RUNX2: variants seen among roughly 807,000 people sequenced by gnomAD.
The protein encoded by RUNX2 is runt-related transcription factor 2.
RUNX2 carries 10 observed loss-of-function variants against 51.7 expected under a neutral mutation model. The ratio of observed to expected loss-of-function variants is 0.19; its 90% CI spans 0.12 to 0.33. The LOEUF (loss-of-function observed/expected upper bound fraction) is 0.33, where lower values mean the gene tolerates loss of function less well. RUNX2 is among the 10% of genes least tolerant of loss of function. The pLI, the probability that RUNX2 is intolerant of heterozygous loss-of-function variation, is 1.00. For synonymous variants in RUNX2, 276 were observed against 273.6 expected, an observed-to-expected ratio of 1.01 and a Z score of -0.09; for missense variants, 562 against 691.3, an observed-to-expected ratio of 0.81 and a Z score of 2.10.
intron 2 of RUNX2, among the ~76,000 whole-genome samples, chr6:45,341,865 C>G (rs537428621): frequency 8.5e-5 from 13 of 152,254 alleles, no homozygotes; most frequent in African/African-American, 2.9e-4. Context: ...ATTATTCACA[C>G]TTATTTCATC....
chr6:45,422,388 A>C, intron 2 of RUNX2: 3 of 550,748 alleles, frequency 5.4e-6, no homozygotes, highest in Non-Finnish European at 9.8e-6. Context: ...CCGCATCGCC[A>C]GACTCTGTTG....
chr6:45,393,480 G>T (rs1008129041), intron 2 of RUNX2, among the ~76,000 whole-genome samples: 3 of 152,020 alleles, frequency 2.0e-5, no homozygotes, highest in Non-Finnish European at 4.4e-5. Context: ...GCCCAGGCTG[G>T]AGTGCAATGG....
intron 7 of RUNX2, among the ~76,000 whole-genome samples, chr6:45,541,033 G>T (rs1304481432): frequency 5.3e-5 from 8 of 152,128 alleles, no homozygotes; most frequent in African/African-American, 1.9e-4. Flanking sequence ...TACATTTTAG[G>T]TTTGATGTCA....
At chr6:45,449,915 A>G (rs1346155100) in intron 5 of RUNX2, among the ~76,000 whole-genome samples, 1 of 152,200 alleles carries the variant, frequency 6.6e-6, no homozygotes, top group African/African-American at 2.4e-5. Flanking sequence ...GAAAATAAAA[A>G]CTAATAATAA....
At chr6:45,358,237 A>G (rs62400332) in intron 2 of RUNX2, among the ~76,000 whole-genome samples, 3 of 152,198 alleles carry the variant, frequency 2.0e-5, no homozygotes, top group African/African-American at 7.2e-5. Context: ...TGTATTTACT[A>G]TATTTCTTCT....
At chr6:45,331,331 CTGAT>C (rs1414141810) in intron 2 of RUNX2, among the ~76,000 whole-genome samples, 2 of 152,062 alleles carry the variant, frequency 1.3e-5, no homozygotes, top group African/African-American at 2.4e-5. Flanking sequence ...TATCAGCTGA[CTGAT>C]TATCTACATA....
Position 45,532,157 on chromosome 6 carries a change from C to A in RUNX2, c.1022-13060C>A, listed in dbSNP as rs1801873247. Among the ~76,000 whole-genome samples the A allele has an allele frequency of 7.9e-5, 11 of 138,398 alleles. No individual in the cohort carries two copies. The South Asian group carries it at 2.4e-3, about 31-fold the overall frequency. The allele number at this position is 138,398 out of a possible 152,430, so 90.8% of individuals were successfully genotyped here. A position where few individuals can be genotyped will look rare whatever the true frequency, so the allele number is the denominator to read the frequency against. ...GAATTGACATTTTGTACATAGAAAA[C>A]CTAGATTTTTTTTTTTTTTTTTTTT... On this transcript the variant is annotated intron_variant, in intron 7 of 8. Transcript: ENST00000647337.
chr6:45,418,662 A>G (rs1336265109), intron 2 of RUNX2, among the ~76,000 whole-genome samples: 1 of 152,208 alleles, frequency 6.6e-6, no homozygotes, highest in Non-Finnish European at 1.5e-5. Flanking sequence ...TTCTTTAAGC[A>G]TAATGCTCAG....
intron 2 of RUNX2, among the ~76,000 whole-genome samples, chr6:45,382,949 A>T (rs968476570): frequency 1.3e-5 from 2 of 152,190 alleles, no homozygotes; most frequent in Non-Finnish European, 2.9e-5. Flanking sequence ...TTCTAGAGAA[A>T]GAGAGGAATG....
chr6:45,375,052 C>A (rs1343242577), intron 2 of RUNX2, among the ~76,000 whole-genome samples: 2 of 152,086 alleles, frequency 1.3e-5, no homozygotes, highest in African/African-American at 4.8e-5. Context: ...ACAAAAAATA[C>A]AAAAATTAGC....
intron 2 of RUNX2, among the ~76,000 whole-genome samples, chr6:45,355,038 G>A (rs1297297389): frequency 6.6e-6 from 1 of 151,824 alleles, no homozygotes; most frequent in South Asian, 2.1e-4. Context: ...GCAGTGGTAC[G>A]ATCACAGGTC....
chr6:45,328,647 G>A lies in RUNX2; in HGVS notation c.-66-14G>A. The stretch of plus-strand genomic sequence containing the variant: ...AAAACTAAAACAAGGTTTGGGTATG[G>A]TTTGTATTTTCAGTTTAAGGCTGCA... On this transcript the variant is annotated splice_polypyrimidine_tract_variant and intron_variant, in intron 1 of 8. Coordinates refer to ENST00000647337, the MANE Select transcript of RUNX2 (RefSeq NM_001024630.4). The A allele has an allele frequency of 1.2e-6, 2 of 1,610,500 alleles. No homozygotes were observed. Among genetic ancestry groups the A allele is most frequent in the Middle Eastern group, 1.7e-4 (1 of 6,026 alleles).
intron 2 of RUNX2, among the ~76,000 whole-genome samples, chr6:45,357,021 T>G (rs533195504): frequency 3.9e-5 from 6 of 152,292 alleles, no homozygotes; most frequent in African/African-American, 1.4e-4. Flanking sequence ...TTTTTTTCTT[T>G]TCTGAGACGG....
intron 2 of RUNX2, among the ~76,000 whole-genome samples, chr6:45,340,408 T>C (rs1344343775): frequency 6.6e-6 from 1 of 152,074 alleles, no homozygotes; most frequent in Non-Finnish European, 1.5e-5. Context: ...ACTGCAACTT[T>C]GACCTCCTGA....
intron 6 of RUNX2, among the ~76,000 whole-genome samples, chr6:45,500,614 A>AG (rs1157280981): frequency 6.6e-6 from 1 of 152,184 alleles, no homozygotes; most frequent in Admixed American, 6.5e-5. Flanking sequence ...GTGAAGGTGT[A>AG]GGGGGAAAGA....
At chr6:45,355,678 C>A (rs1344551614) in intron 2 of RUNX2, among the ~76,000 whole-genome samples, 2 of 151,962 alleles carry the variant, frequency 1.3e-5, no homozygotes, top group African/African-American at 4.8e-5. Context: ...TAAAAATAAA[C>A]ATTAACTATG....
intron 2 of RUNX2, among the ~76,000 whole-genome samples, chr6:45,407,599 T>C (rs1797864805): frequency 6.6e-6 from 1 of 152,012 alleles, no homozygotes; most frequent in Non-Finnish European, 1.5e-5. Context: ...CTCAAGAAAT[T>C]CTCCTATCTC....
chr6:45,344,528 T>C (rs758045157), intron 2 of RUNX2, among the ~76,000 whole-genome samples: 1 of 152,126 alleles, frequency 6.6e-6, no homozygotes, highest in Admixed American at 6.6e-5. Flanking sequence ...TTTGAACGTC[T>C]AGAACAGTAA....
chr6:45,407,376 C>T (rs1381069742), intron 2 of RUNX2, among the ~76,000 whole-genome samples: 2 of 152,110 alleles, frequency 1.3e-5, no homozygotes. Flanking sequence ...AGGGGAAATA[C>T]CACAGTGATG....
Sources: gnomAD v4.1 joint callset for allele counts (sites outside exome capture counted in the v4.1 genomes callset) on GRCh38, gnomAD v4.1.1 for gene constraint, MANE v1.5 for transcripts, NCBI Gene and HGNC (gene_info 2026-07-23, HGNC 2026-07-21) for gene names.